Variants in MALRD1 observed in about 807,000 individuals in gnomAD.
The protein encoded by MALRD1 is MAM and LDL-receptor class A domain-containing protein 1.
Under a neutral mutation model 242.1 loss-of-function variants are expected in MALRD1, and 247 were observed. The ratio of observed to expected loss-of-function variants is 1.02; its 90% CI spans 0.92 to 1.13. The LOEUF (loss-of-function observed/expected upper bound fraction) is 1.13, where lower values mean the gene tolerates loss of function less well. Among genes scored for constraint, MALRD1 ranks in the 50% most tolerant of loss-of-function variants. MALRD1 has a pLI of 0.00. For missense variants in MALRD1, 2,989 were observed against 2,533.1 expected, an observed-to-expected ratio of 1.18 and a Z score of -3.86; for synonymous variants, 995 against 866.6, an observed-to-expected ratio of 1.15 and a Z score of -2.60.
At chr10:19,566,269 C>T (rs2131457446) in intron 32 of MALRD1, among the ~76,000 whole-genome samples, 1 of 150,176 alleles carries the variant, frequency 6.7e-6, no homozygotes, top group Admixed American at 6.6e-5. Flanking sequence ...GTAGCTGGGA[C>T]TACGGGCACC....
At chr10:19,378,298 C>A (rs192904537) in intron 26 of MALRD1, among the ~76,000 whole-genome samples, 3 of 152,124 alleles carry the variant, frequency 2.0e-5, no homozygotes, top group Admixed American at 6.5e-5. Flanking sequence ...ATCACATGCA[C>A]TTGTGATGAT....
intron 32 of MALRD1, among the ~76,000 whole-genome samples, chr10:19,543,100 A>G (rs183663470): frequency 1.3e-5 from 2 of 152,284 alleles, no homozygotes; most frequent in Admixed American, 6.5e-5. Flanking sequence ...TATTACATCC[A>G]GGGAGACATT....
chr10:19,502,562 T>G (rs916896900), intron 31 of MALRD1, among the ~76,000 whole-genome samples: 5 of 152,140 alleles, frequency 3.3e-5, no homozygotes, highest in African/African-American at 1.2e-4. Context: ...AACAACAAAT[T>G]GACATTTAGA....
In MALRD1 at chr10:19,146,219, T is replaced by G. The variant is rs1294166324; in HGVS notation, c.1433T>G (p.Phe478Cys). ...ACAGCAAAGCATCTCACCTGTGACT[T>G]TGAGTCGGGTTTCTGCGGTTGGGAG... ...ATCSKHLTCD[F>C]ESGFCGWEPF... The change falls in exon 11 of 40, where the codon TTT becomes TGT. Residue 478 changes from phenylalanine (F) to cysteine (C), a missense_variant. Coordinates refer to ENST00000454679, the MANE Select transcript of MALRD1 (RefSeq NM_001142308.3). 3 of 1,231,566 alleles carry G rather than the reference T, an allele frequency of 2.4e-6. No individual in the cohort carries two copies. The Admixed American group carries it at 1.3e-4, about 52-fold the overall frequency. 76.3% of individuals were successfully genotyped at this position (1,231,566 alleles called of 1,614,324 possible). A position where few individuals can be genotyped will look rare whatever the true frequency, so the allele number is the denominator to read the frequency against.
At chr10:19,049,576 T>C (rs1834424877) in intron 1 of MALRD1, among the ~76,000 whole-genome samples, 1 of 152,202 alleles carries the variant, frequency 6.6e-6, no homozygotes, top group African/African-American at 2.4e-5. Flanking sequence ...AACACTGCTA[T>C]CAAGTGGGTT....
At position 19,327,601 on chromosome 10, in the gene MALRD1, G is replaced by A; in HGVS notation, c.3615G>A (p.Trp1205Ter). 6.5e-7 allele frequency: 1 copy of A among 1,549,856 alleles called. No homozygotes were observed. Among genetic ancestry groups the A allele is most frequent in the Non-Finnish European group, 8.7e-7 (1 of 1,146,372 alleles). The change falls in exon 23 of 40, where the codon TGG becomes TGA. Residue 1205 changes from tryptophan to a stop codon, truncating the protein, a stop_gained. Coordinates refer to ENST00000454679, the MANE Select transcript of MALRD1 (RefSeq NM_001142308.3). LOFTEE classifies it high-confidence loss of function. ...IKKDNVTSKL[W>*]AQTGQQGAQW... ...AAGATAACGTTACTTCTAAATTGTG[G>A]GCTCAAACTGGACAGCAAGGTGCAC...
intron 5 of MALRD1, among the ~76,000 whole-genome samples, chr10:19,118,483 C>A (rs550179250): frequency 6.6e-6 from 1 of 152,198 alleles, no homozygotes; most frequent in South Asian, 2.1e-4. Context: ...TCTGGTTGAC[C>A]ATTGGTTGAG....
intron 26 of MALRD1, among the ~76,000 whole-genome samples, chr10:19,381,858 A>G (rs1845852266): frequency 6.6e-6 from 1 of 151,880 alleles, no homozygotes; most frequent in African/African-American, 2.4e-5. Flanking sequence ...ATACAATAAA[A>G]ATGATTATCA....
At chr10:19,246,556 C>G (rs565630608) in intron 18 of MALRD1, among the ~76,000 whole-genome samples, 43 of 152,074 alleles carry the variant, frequency 2.8e-4, no homozygotes, top group African/African-American at 9.2e-4. Context: ...CTGCTTGAGA[C>G]AAACTCATCC....
chr10:19,124,563 G>C lies in MALRD1; in HGVS notation c.836G>C (p.Trp279Ser). The C allele has an allele frequency of 1.6e-6, 2 of 1,233,784 alleles. No homozygotes were observed. The highest frequency in any genetic ancestry group is 1.5e-5 in the African/African-American group (1 of 64,572). 76.4% of individuals were successfully genotyped at this position (1,233,784 alleles called of 1,614,324 possible). The part of the protein sequence containing the change: ...ACGFEFDMCE[W>S]TSEASAGQIS... ...GGGTTTGAATTTGACATGTGTGAGTGGACGTCAGAAGCATCTGCTGGCCAA... is the reference window on the plus strand; with the variant it reads ...GGGTTTGAATTTGACATGTGTGAGTCGACGTCAGAAGCATCTGCTGGCCAA... Residue 279 changes from tryptophan (W) to serine (S), a missense_variant, in exon 7 of 40, where the codon TGG (tryptophan) becomes TCG (serine). By Grantham distance (177) the Trp-to-Ser change is radical (BLOSUM62 -3). Coordinates refer to ENST00000454679, the MANE Select transcript of MALRD1 (RefSeq NM_001142308.3).
At chr10:19,176,951 G>A (rs1588657264) in intron 14 of MALRD1, among the ~76,000 whole-genome samples, 2 of 151,750 alleles carry the variant, frequency 1.3e-5, no homozygotes, top group Admixed American at 1.3e-4. Flanking sequence ...ACCGAGGAGT[G>A]CAGAGCAGCA....
intron 25 of MALRD1, among the ~76,000 whole-genome samples, chr10:19,351,783 A>G (rs1304996283): frequency 6.6e-6 from 1 of 152,068 alleles, no homozygotes; most frequent in Non-Finnish European, 1.5e-5. Context: ...CTAAATTTCT[A>G]TTTGATTCTT....
intron 12 of MALRD1, among the ~76,000 whole-genome samples, chr10:19,163,841 C>T (rs1278894301): frequency 6.6e-6 from 1 of 152,218 alleles, no homozygotes; most frequent in Non-Finnish European, 1.5e-5. Flanking sequence ...GTTCTGAGCT[C>T]TTATCCCATT....
chr10:19,234,870 G>T (rs964086038), intron 18 of MALRD1, among the ~76,000 whole-genome samples: 1 of 152,150 alleles, frequency 6.6e-6, no homozygotes. Context: ...TGTCACGGAA[G>T]GTGTTGTTTT....
intron 18 of MALRD1, among the ~76,000 whole-genome samples, chr10:19,211,350 G>T (rs548916977): frequency 6.6e-6 from 1 of 151,844 alleles, no homozygotes; most frequent in African/African-American, 2.4e-5. Context: ...ATTCAGGCCC[G>T]AAAAGATGAA....
intron 1 of MALRD1, 38 bp downstream of exon 1, chr10:19,049,175 G>A (rs749558859): frequency 2.3e-5 from 28 of 1,231,126 alleles, no homozygotes; most frequent in South Asian, 1.2e-4. Flanking sequence ...TCAATTCCCC[G>A]TACAGCCTGA....
intron 21 of MALRD1, among the ~76,000 whole-genome samples, chr10:19,316,552 A>G (rs1035265555): frequency 1.3e-5 from 2 of 151,748 alleles, no homozygotes; most frequent in African/African-American, 4.8e-5. Context: ...AAGCCCACTT[A>G]CTCCAGCAGT....
intron 1 of MALRD1, among the ~76,000 whole-genome samples, chr10:19,065,311 G>GAAAAAAAAAA (rs1590378950): frequency 1.9e-5 from 2 of 103,264 alleles, no homozygotes; most frequent in African/African-American, 3.8e-5. Context: ...AAAAAAAAAG[G>GAAAAAAAAAA]AAGAAAGAAA....
intron 7 of MALRD1, among the ~76,000 whole-genome samples, chr10:19,127,938 T>C (rs566828440): frequency 1.6e-4 from 24 of 152,266 alleles, no homozygotes; most frequent in African/African-American, 5.8e-4. Context: ...TAGCAATTTG[T>C]ATATGTAGGT....
Sources: gnomAD v4.1 joint callset for allele counts (sites outside exome capture counted in the v4.1 genomes callset) on GRCh38, gnomAD v4.1.1 for gene constraint, MANE v1.5 for transcripts, NCBI Gene and HGNC (gene_info 2026-07-23, HGNC 2026-07-21) for gene names.